RYR2: variants seen among roughly 807,000 people sequenced by gnomAD.
RYR2 encodes cardiac muscle ryanodine receptor-calcium release channel.
In RYR2, 227 loss-of-function variants were observed where a neutral mutation model predicts 601.1. That is an observed-to-expected ratio of 0.38 (90% CI 0.34 to 0.42). RYR2 has a LOEUF of 0.42. Among genes scored for constraint, RYR2 ranks in the 10% least tolerant of loss-of-function variants. The probability of loss-of-function intolerance (pLI) is 1.00; values close to 1 mark genes in which losing one functional copy is unlikely to be tolerated. For missense variants in RYR2, 4,646 were observed against 6,156.5 expected (o/e 0.75, Z 8.21); for synonymous variants, 2,223 against 2,175.1 (o/e 1.02, Z -0.61).
intron 3 of RYR2, among the ~76,000 whole-genome samples, chr1:237,343,253 A>G (rs545157462): frequency 2.0e-5 from 3 of 152,310 alleles, no homozygotes; most frequent in Non-Finnish European, 4.4e-5. Context: ...ATCTCACACA[A>G]CAATGAATGA....
intron 56 of RYR2, among the ~76,000 whole-genome samples, chr1:237,661,973 C>T (rs1353754675): frequency 6.6e-6 from 1 of 151,976 alleles, no homozygotes; most frequent in African/African-American, 2.4e-5. Flanking sequence ...CTAAATCTGT[C>T]ATTATTCTTT....
intron 84 of RYR2, among the ~76,000 whole-genome samples, chr1:237,767,709 G>A (rs1381647609): frequency 6.6e-6 from 1 of 152,098 alleles, no homozygotes; most frequent in African/African-American, 2.4e-5. Flanking sequence ...TATAATTGAA[G>A]CAGTCATACT....
chr1:237,630,603 T>C (rs551766827), intron 41 of RYR2, among the ~76,000 whole-genome samples: 43 of 152,300 alleles, frequency 2.8e-4, no homozygotes, highest in Non-Finnish European at 6.0e-4. Flanking sequence ...CTGTATGTTC[T>C]ATTCTTGCTC....
At chr1:237,054,862 G>A (rs968345699) in intron 1 of RYR2, among the ~76,000 whole-genome samples, 4 of 152,200 alleles carry the variant, frequency 2.6e-5, no homozygotes, top group African/African-American at 7.2e-5. Context: ...AGAGGAAGGT[G>A]AGTGGGGGCC....
At chr1:237,495,383 T>C (rs1663960431) in intron 19 of RYR2, among the ~76,000 whole-genome samples, 1 of 152,200 alleles carries the variant, frequency 6.6e-6, no homozygotes, top group Admixed American at 6.5e-5. Context: ...TGTTAGGAAA[T>C]GGATACAGCT....
At chr1:237,064,093 C>A (rs1663229187) in intron 1 of RYR2, among the ~76,000 whole-genome samples, 1 of 152,180 alleles carries the variant, frequency 6.6e-6, no homozygotes, top group Non-Finnish European at 1.5e-5. Flanking sequence ...CTCATTCTCT[C>A]TCTCCCTTCT....
intron 1 of RYR2, among the ~76,000 whole-genome samples, chr1:237,084,657 T>G (rs901747299): frequency 6.6e-6 from 1 of 152,230 alleles, no homozygotes; most frequent in African/African-American, 2.4e-5. Flanking sequence ...TCCTCCCAGC[T>G]GCATTTCCTT....
chr1:237,809,728 T>C (rs1306716684), intron 100 of RYR2, among the ~76,000 whole-genome samples: 1 of 152,112 alleles, frequency 6.6e-6, no homozygotes, highest in Non-Finnish European at 1.5e-5. Context: ...GAGGCTGATA[T>C]AATGATACAT....
At chr1:237,047,792 C>T (rs988364405) in intron 1 of RYR2, among the ~76,000 whole-genome samples, 2 of 152,112 alleles carry the variant, frequency 1.3e-5, no homozygotes, top group Non-Finnish European at 2.9e-5. Context: ...ATTCCTTTTA[C>T]TCCAAGTGTG....
At chr1:237,201,546 A>G (rs545221270) in intron 1 of RYR2, among the ~76,000 whole-genome samples, 1 of 152,312 alleles carries the variant, frequency 6.6e-6, no homozygotes, top group African/African-American at 2.4e-5. Flanking sequence ...ATTAGATATG[A>G]AATTAATTAT....
chr1:237,286,384 T>G (rs1413534534), intron 2 of RYR2, among the ~76,000 whole-genome samples: 1 of 151,904 alleles, frequency 6.6e-6, no homozygotes, highest in Non-Finnish European at 1.5e-5. Context: ...TCTGAGGGAT[T>G]GCTTGATATA....
rs1394059438 is a variant in RYR2, at chr1:237,660,930, A to G, written c.8419A>G (p.Ile2807Val). The change falls in exon 56 of 105, where the codon ATT becomes GTT. Residue 2807 changes from isoleucine (I) to valine (V), a missense_variant. Transcript: ENST00000366574. ...GGCCCTTTACAACCGGACTCGTCGT[A>G]TTTCTCAGACAAGCCAGGTAAGAAT... ...SMALYNRTRR[I>V]SQTSQVSVDA... 1.1e-4 allele frequency: 154 copies of G among 1,443,024 alleles called. No individual in the cohort carries two copies. The East Asian group carries it at 4.0e-3, about 37-fold the overall frequency. The allele number at this position is 1,443,024 out of a possible 1,614,324, so 89.4% of individuals were successfully genotyped here.
chr1:237,633,579 A>C lies in RYR2; in HGVS notation c.6557A>C (p.Glu2186Ala). The part of the protein sequence containing the change: ...VNVLGGGESK[E>A]ITFPKMVANC... ...GCTAATGACATGCTTTATCTGTAGG[A>C]AATCACCTTTCCCAAGATGGTGGCC... Residue 2186 changes from glutamate to alanine, a missense_variant and splice_region_variant, in exon 43 of 105, where the codon GAA (glutamate) becomes GCA (alanine). By Grantham distance (107) the Glu-to-Ala change is moderately radical. Coordinates refer to ENST00000366574, the MANE Select transcript of RYR2 (RefSeq NM_001035.3). The C allele has an allele frequency of 6.2e-7, 1 of 1,613,922 alleles. No individual in the cohort carries two copies. The highest frequency in any genetic ancestry group is 1.7e-4 in the Middle Eastern group (1 of 6,060).
At chr1:237,149,893 A>G (rs1674515401) in intron 1 of RYR2, among the ~76,000 whole-genome samples, 1 of 152,204 alleles carries the variant, frequency 6.6e-6, no homozygotes, top group Non-Finnish European at 1.5e-5. Flanking sequence ...CGTTGCCATG[A>G]TTAGTTACAT....
chr1:237,522,270 C>A (rs1251391211), intron 24 of RYR2, among the ~76,000 whole-genome samples: 2 of 152,186 alleles, frequency 1.3e-5, no homozygotes, highest in Non-Finnish European at 2.9e-5. Flanking sequence ...ATAAAATACA[C>A]TATAATACTA....
intron 4 of RYR2, among the ~76,000 whole-genome samples, chr1:237,363,416 A>G (rs1699943671): frequency 6.6e-6 from 1 of 152,084 alleles, no homozygotes; most frequent in African/African-American, 2.4e-5. Flanking sequence ...TCCCTTTAAT[A>G]ATATACATAT....
chr1:237,284,211 C>G (rs1302524151), intron 2 of RYR2, among the ~76,000 whole-genome samples: 1 of 151,960 alleles, frequency 6.6e-6, no homozygotes, highest in Non-Finnish European at 1.5e-5. Flanking sequence ...GGAGAAACCC[C>G]ATCTCTACTA....
chr1:237,119,129 ATTAGGTTGGGTC>A (rs1180033834), intron 1 of RYR2, among the ~76,000 whole-genome samples: 1 of 152,144 alleles, frequency 6.6e-6, no homozygotes, highest in Admixed American at 6.5e-5. Context: ...AAGTGAGGTC[ATTAGGTTGGGTC>A]TTAATCCAAT....
intron 24 of RYR2, among the ~76,000 whole-genome samples, chr1:237,516,806 G>C (rs926018269): frequency 6.6e-6 from 1 of 151,918 alleles, no homozygotes; most frequent in Admixed American, 6.6e-5. Flanking sequence ...CCATTATCAG[G>C]TCCCCCCAAG....
Sources: gnomAD v4.1 joint callset for allele counts (sites outside exome capture counted in the v4.1 genomes callset) on GRCh38, gnomAD v4.1.1 for gene constraint, MANE v1.5 for transcripts, NCBI Gene and HGNC (gene_info 2026-07-23, HGNC 2026-07-21) for gene names.